The following UBAC2 variants were observed in gnomAD, a reference collection of about 807,000 sequenced individuals.
UBAC2 encodes ubiquitin-associated domain-containing protein 2.
Under a neutral mutation model 44.0 loss-of-function variants are expected in UBAC2, and 26 were observed. The observed-to-expected ratio is 0.59, with a 90% CI of 0.43 to 0.82. The LOEUF is 0.82. UBAC2 is among the 40% of genes least tolerant of loss of function. The pLI is 0.00. For missense variants in UBAC2, 329 were observed against 419.4 expected (o/e 0.78, Z 1.88); for synonymous variants, 155 against 154.3 (o/e 1.00, Z -0.04).
chr13:99,369,934 T>C (rs1220955241), intron 8 of UBAC2, among the ~76,000 whole-genome samples: 2 of 152,224 alleles, frequency 1.3e-5, no homozygotes, highest in Non-Finnish European at 2.9e-5. Flanking sequence ...ACCTGGTCTA[T>C]GTTCTTCAAA....
chr13:99,267,195 A>G (rs946454768), intron 4 of UBAC2, among the ~76,000 whole-genome samples: 7 of 152,096 alleles, frequency 4.6e-5, no homozygotes, highest in African/African-American at 1.7e-4. Flanking sequence ...TTGCCTATTC[A>G]AGTTCTTTGC....
chr13:99,314,316 GT>G (rs976061676), intron 5 of UBAC2, 96 bp downstream of exon 5: 89 of 1,370,412 alleles, frequency 6.5e-5, no homozygotes, highest in Middle Eastern at 2.2e-4. Context: ...GAAAACAATG[GT>G]TTTTTTCCCC....
At chr13:99,352,609 G>T (rs1470418734) in intron 7 of UBAC2, among the ~76,000 whole-genome samples, 1 of 151,780 alleles carries the variant, frequency 6.6e-6, no homozygotes, top group Non-Finnish European at 1.5e-5. Flanking sequence ...CATCAGGCCA[G>T]CTTCCTTAGG....
intron 4 of UBAC2, among the ~76,000 whole-genome samples, chr13:99,292,302 A>AT (rs11443091): frequency 0.18 from 25,725 of 144,464 alleles, 2,380 homozygotes; most frequent in Middle Eastern, 0.23. Flanking sequence ...CGCCCAGCTA[A>AT]TTTTTTTTTT....
Position 99,296,183 on chromosome 13 carries a change from G to A in UBAC2, c.390-17914G>A, listed in dbSNP as rs185844556. On this transcript the variant is annotated intron_variant, in intron 4 of 8. Transcript: ENST00000403766. ...AGGTGTCTAGAAAAAAACCAAGAAG[G>A]ATCATATAAGTAAAAGCATATGTAT... is the stretch of plus-strand genomic sequence containing the variant. 2.6e-6 allele frequency: 4 copies of A among 1,521,492 alleles called. No homozygotes were observed. The Admixed American group carries it at 6.7e-5, about 26-fold the overall frequency. 94.2% of individuals were successfully genotyped at this position (1,521,492 alleles called of 1,614,324 possible). A position where few individuals can be genotyped will look rare whatever the true frequency, so the allele number is the denominator to read the frequency against.
At chr13:99,246,601 C>G (rs1198282369) in intron 4 of UBAC2, among the ~76,000 whole-genome samples, 3 of 152,218 alleles carry the variant, frequency 2.0e-5, no homozygotes, top group Admixed American at 2.0e-4. Flanking sequence ...TCCTGCTGCA[C>G]ATGGAATCGA....
At chr13:99,242,936 C>T (rs1191440092) in intron 2 of UBAC2, among the ~76,000 whole-genome samples, 3 of 151,198 alleles carry the variant, frequency 2.0e-5, no homozygotes, top group Non-Finnish European at 4.4e-5. Context: ...AGACGCTCCT[C>T]ACTTCCTAGA....
intron 7 of UBAC2, among the ~76,000 whole-genome samples, chr13:99,349,639 G>A (rs984839153): frequency 1.4e-4 from 21 of 152,230 alleles, no homozygotes; most frequent in African/African-American, 5.1e-4. Flanking sequence ...GAAGCTGAGA[G>A]AGAGAAGGCA....
At chr13:99,245,699 G>A (rs1336651694) in intron 4 of UBAC2, among the ~76,000 whole-genome samples, 1 of 152,178 alleles carries the variant, frequency 6.6e-6, no homozygotes, top group Non-Finnish European at 1.5e-5. Flanking sequence ...AAATTAGTTG[G>A]GCGTGGTGGC....
intron 8 of UBAC2, among the ~76,000 whole-genome samples, chr13:99,382,758 C>T (rs2045567443): frequency 6.6e-6 from 1 of 152,160 alleles, no homozygotes; most frequent in Admixed American, 6.5e-5. Context: ...ATGAGGACTT[C>T]GCTCTGGGGG....
chr13:99,255,488 C>T (rs762683808), intron 4 of UBAC2: 10 of 1,614,010 alleles, frequency 6.2e-6, no homozygotes, highest in South Asian at 2.2e-5. Flanking sequence ...AGTTCTTTGG[C>T]GTACTTCGGC....
intron 4 of UBAC2, among the ~76,000 whole-genome samples, chr13:99,270,473 T>TA (rs1746720934): frequency 1.3e-5 from 2 of 152,324 alleles, no homozygotes; most frequent in South Asian, 4.1e-4. Context: ...TAATGCTCCT[T>TA]AGCTAATTCT....
In UBAC2 at chr13:99,326,159, A is replaced by AG. The variant is rs2044638558; in HGVS notation, c.561+8094dup. Among the ~76,000 whole-genome samples the AG allele has an allele frequency of 3.9e-5, 6 of 152,206 alleles. No homozygotes were observed. The South Asian group carries it at 1.2e-3, about 31-fold the overall frequency. On this transcript the variant is annotated intron_variant, in intron 6 of 8. Transcript: ENST00000403766. Reference sequence around the variant, plus strand: ...ATTTGCATTTCTGCCAACTGTGCACAGGGGTTCCAGTTTTCCCCACATCCT... The same window carrying AG: ...ATTTGCATTTCTGCCAACTGTGCACAGGGGGTTCCAGTTTTCCCCACATCCT...
intron 8 of UBAC2, among the ~76,000 whole-genome samples, chr13:99,382,057 C>G (rs917488146): frequency 3.3e-5 from 5 of 152,136 alleles, no homozygotes; most frequent in Non-Finnish European, 7.3e-5. Flanking sequence ...GGGTTTGAAA[C>G]TGATTAAAAA....
At chr13:99,275,393 G>A (rs901684128) in intron 4 of UBAC2, among the ~76,000 whole-genome samples, 2 of 152,182 alleles carry the variant, frequency 1.3e-5, no homozygotes, top group African/African-American at 4.8e-5. Context: ...AGTCATTCTA[G>A]CAGATGTGTG....
At chr13:99,323,221 TG>T (rs1421373694) in intron 6 of UBAC2, among the ~76,000 whole-genome samples, 3 of 152,134 alleles carry the variant, frequency 2.0e-5, no homozygotes, top group Non-Finnish European at 4.4e-5. Flanking sequence ...ACTCCTCTGA[TG>T]CACAAGCCTC....
At chr13:99,358,354 T>A (rs1303396200) in intron 7 of UBAC2, among the ~76,000 whole-genome samples, 1 of 152,204 alleles carries the variant, frequency 6.6e-6, no homozygotes, top group South Asian at 2.1e-4. Flanking sequence ...TTGCTTCATG[T>A]ACTTCAAAAA....
intron 6 of UBAC2, among the ~76,000 whole-genome samples, chr13:99,326,009 C>T (rs998360036): frequency 1.3e-5 from 2 of 152,130 alleles, no homozygotes; most frequent in African/African-American, 2.4e-5. Context: ...ATGAGAGTGC[C>T]GAGACCTCTT....
At chr13:99,254,693 A>G (rs1407097737) in intron 4 of UBAC2, 3 of 554,102 alleles carry the variant, frequency 5.4e-6, no homozygotes, top group African/African-American at 1.9e-5. Context: ...ACTAGGAAAG[A>G]AAAATCAGAT....
Sources: gnomAD v4.1 joint callset for allele counts (sites outside exome capture counted in the v4.1 genomes callset) on GRCh38, gnomAD v4.1.1 for gene constraint, MANE v1.5 for transcripts, NCBI Gene and HGNC (gene_info 2026-07-23, HGNC 2026-07-21) for gene names.